Variants in FAT3 observed in about 807,000 individuals in gnomAD.
FAT3 encodes FAT atypical cadherin 3, also known as protocadherin Fat 3.
A neutral mutation model predicts 310.2 loss-of-function variants in FAT3; 95 were observed. That is an observed-to-expected ratio of 0.31 (90% confidence interval 0.26 to 0.36). The LOEUF (loss-of-function observed/expected upper bound fraction) is 0.36. Ranked by LOEUF, FAT3 falls within the 10% of genes least tolerant of loss-of-function variation. The pLI is 1.00. For synonymous variants in FAT3, 2,314 were observed against 2,192.9 expected (o/e 1.06, Z -1.54); for missense variants, 5,408 against 5,715.6 (o/e 0.95, Z 1.74).
At chr11:92,865,172 C>T (rs749261465) in intron 21 of FAT3, among the ~76,000 whole-genome samples, 6 of 152,156 alleles carry the variant, frequency 3.9e-5, no homozygotes, top group Non-Finnish European at 8.8e-5. Context: ...GCATGACCTA[C>T]GAAATTTTAT....
At chr11:92,520,768 C>A (rs1953656658) in intron 2 of FAT3, among the ~76,000 whole-genome samples, 1 of 152,012 alleles carries the variant, frequency 6.6e-6, no homozygotes, top group Admixed American at 6.6e-5. Context: ...AGACTCAGTC[C>A]TTTTAAAATT....
At chr11:92,865,232 A>C (rs1949212067) in intron 21 of FAT3, among the ~76,000 whole-genome samples, 1 of 152,222 alleles carries the variant, frequency 6.6e-6, no homozygotes, top group African/African-American at 2.4e-5. Context: ...AGTCCCTAAG[A>C]ATTCAGTTGT....
chr11:92,598,086 T>TG (rs1490693983), intron 3 of FAT3, among the ~76,000 whole-genome samples: 1 of 151,948 alleles, frequency 6.6e-6, no homozygotes, highest in African/African-American at 2.4e-5. Flanking sequence ...CTGTACCAGG[T>TG]GGGTGTTCAC....
rs1944990136 is a variant in FAT3 at position 92,726,128 on chromosome 11, A to G, written c.3669+28683A>G. Reference sequence around the variant, plus strand: ...CTGAAAACATGTACATCAATTATATACCAATAAAACATACAAAATTAAAAA... The same window carrying G: ...CTGAAAACATGTACATCAATTATATGCCAATAAAACATACAAAATTAAAAA... On this transcript the variant is annotated intron_variant, in intron 4 of 27. Coordinates refer to ENST00000525166, the MANE Select transcript of FAT3 (RefSeq NM_001367949.2). Among the ~76,000 whole-genome samples, 3 of 152,286 alleles carry G rather than the reference A, an allele frequency of 2.0e-5. No homozygotes were observed. In the South Asian group the frequency reaches 6.2e-4, roughly 32 times the overall value.
intron 1 of FAT3, chr11:92,314,272 T>G: frequency 1.0e-6 from 1 of 982,198 alleles, no homozygotes; most frequent in Non-Finnish European, 1.2e-6. Context: ...TTTTAACAGA[T>G]TCTAAGGTTC....
At chr11:92,249,676 A>G (rs897990) in intron 1 of FAT3, among the ~76,000 whole-genome samples, 2,174 of 152,156 alleles carry the variant, frequency 0.014, 40 homozygotes, top group African/African-American at 0.046. Context: ...CTTCATATGC[A>G]AAAGTGAAGC....
chr11:92,754,457 G>A (rs1490811199), intron 4 of FAT3, among the ~76,000 whole-genome samples: 1 of 150,892 alleles, frequency 6.6e-6, no homozygotes, highest in East Asian at 2.0e-4. Context: ...AACCCCGTCT[G>A]TACTAAAAAT....
chr11:92,838,830 G>A (rs150932128), intron 17 of FAT3, among the ~76,000 whole-genome samples: 188 of 152,260 alleles, frequency 1.2e-3, no homozygotes, highest in Admixed American at 4.7e-3. Context: ...AATCAGACTG[G>A]GAGGCAGCCT....
At chr11:92,618,968 G>A (rs565338442) in intron 3 of FAT3, among the ~76,000 whole-genome samples, 1 of 152,126 alleles carries the variant, frequency 6.6e-6, no homozygotes, top group East Asian at 1.9e-4. Flanking sequence ...GTATAATTTA[G>A]CTGTGCGTTT....
At chr11:92,477,576 C>T (rs550504026) in intron 2 of FAT3, among the ~76,000 whole-genome samples, 34 of 152,312 alleles carry the variant, frequency 2.2e-4, no homozygotes, top group African/African-American at 8.2e-4. Context: ...TTTATGTCTA[C>T]ATCTATTCTA....
intron 3 of FAT3, among the ~76,000 whole-genome samples, chr11:92,628,255 C>T (rs1056920661): frequency 6.6e-6 from 1 of 152,160 alleles, no homozygotes; most frequent in Non-Finnish European, 1.5e-5. Context: ...CTTATGTTCA[C>T]TAGGGGAGCT....
Position 92,660,106 on chromosome 11 carries a change from T to C in FAT3, c.3608-37278T>C, listed in dbSNP as rs1373072729. ...ACCACTTAGTATTCTTTTTTTTTTC[T>C]TAAGCTAGTGAACTAGCAAGAGTTC... On this transcript the variant is annotated intron_variant, in intron 3 of 27. Coordinates refer to ENST00000525166, the MANE Select transcript of FAT3 (RefSeq NM_001367949.2). Among the ~76,000 whole-genome samples, 12 of 152,236 alleles carry C rather than the reference T, an allele frequency of 7.9e-5. No individual in the cohort carries two copies. The South Asian group carries it at 2.5e-3, about 32-fold the overall frequency.
chr11:92,682,759 A>T (rs189298643), intron 3 of FAT3, among the ~76,000 whole-genome samples: 1 of 152,128 alleles, frequency 6.6e-6, no homozygotes, highest in Non-Finnish European at 1.5e-5. Context: ...GAGGAGGACA[A>T]GGGAATGGGG....
rs1949984573 is a variant in FAT3, at chr11:92,894,510, T to C, written c.*3397T>C. On this transcript the variant is annotated 3_prime_UTR_variant, in exon 28 of 28. Coordinates refer to ENST00000525166, the MANE Select transcript of FAT3 (RefSeq NM_001367949.2). ...TATGTGCCACCTCCTGGAAGCCATT[T>C]CCCATAATCTGTTGTAGGCACTTTA... The C allele has an allele frequency of 6.6e-6, 1 of 152,254 alleles. No homozygotes were observed. Among genetic ancestry groups the C allele is most frequent in the Non-Finnish European group, 1.5e-5 (1 of 68,052 alleles). 9.4% of individuals were successfully genotyped at this position (152,254 alleles called of 1,614,324 possible).
intron 4 of FAT3, among the ~76,000 whole-genome samples, chr11:92,746,587 C>A (rs1258673981): frequency 6.6e-6 from 1 of 152,150 alleles, no homozygotes; most frequent in African/African-American, 2.4e-5. Flanking sequence ...CTGAAAGTCC[C>A]CCAAAGTCTT....
chr11:92,613,044 A>G (rs1940641092), intron 3 of FAT3, among the ~76,000 whole-genome samples: 1 of 152,248 alleles, frequency 6.6e-6, no homozygotes, highest in African/African-American at 2.4e-5. Flanking sequence ...CTCACTGAAA[A>G]TGTATCCTAA....
chr11:92,406,758 C>T (rs1950145050), intron 2 of FAT3: 1 of 152,140 alleles, frequency 6.6e-6, no homozygotes, highest in South Asian at 2.1e-4. Flanking sequence ...CCAGTAACAG[C>T]AAATCATACT....
At chr11:92,714,951 G>A (rs981086500) in intron 4 of FAT3, among the ~76,000 whole-genome samples, 1 of 151,666 alleles carries the variant, frequency 6.6e-6, no homozygotes, top group African/African-American at 2.4e-5. Flanking sequence ...GACTGTTGGG[G>A]TTACCTGACA....
chr11:92,817,571 A>T (rs1467770866), intron 13 of FAT3, among the ~76,000 whole-genome samples: 2 of 152,170 alleles, frequency 1.3e-5, no homozygotes, highest in Non-Finnish European at 1.5e-5. Flanking sequence ...TGAGTATTTC[A>T]TGAGAGAGAT....
Sources: gnomAD v4.1 joint callset for allele counts (sites outside exome capture counted in the v4.1 genomes callset) on GRCh38, gnomAD v4.1.1 for gene constraint, MANE v1.5 for transcripts, NCBI Gene and HGNC (gene_info 2026-07-23, HGNC 2026-07-21) for gene names.